The following FRA10AC1 variants were observed in gnomAD, a reference collection of about 807,000 sequenced individuals.
FRA10AC1 encodes the protein FRA10A associated CGG repeat 1, also known as protein FRA10AC1.
FRA10AC1 carries 43 observed loss-of-function variants against 56.5 expected under a neutral mutation model. That is an observed-to-expected ratio of 0.76 (90% CI 0.60 to 0.98). The LOEUF (loss-of-function observed/expected upper bound fraction) is 0.98. FRA10AC1 is among the 50% of genes least tolerant of loss of function. The pLI is 0.00. For missense variants in FRA10AC1, 346 were observed against 351.8 expected (o/e 0.98, Z 0.13); for synonymous variants, 112 against 110.5 (o/e 1.01, Z -0.09).
chr10:93,701,585 A>G (rs1458146010), intron 1 of FRA10AC1, among the ~76,000 whole-genome samples: 5 of 152,158 alleles, frequency 3.3e-5, no homozygotes, highest in Admixed American at 2.6e-4. Flanking sequence ...AAAATCCTAG[A>G]TAGGAAGATG....
intron 12 of FRA10AC1, chr10:93,672,758 T>C (rs1313659740): frequency 1.3e-5 from 2 of 152,294 alleles, no homozygotes; most frequent in Middle Eastern, 3.2e-3. Context: ...CCCTAGAGAA[T>C]CAAGTCTACA....
chr10:93,682,759 C>G (rs955098022), intron 10 of FRA10AC1, among the ~76,000 whole-genome samples: 2 of 152,144 alleles, frequency 1.3e-5, no homozygotes, highest in African/African-American at 2.4e-5. Context: ...GAGCCATGAT[C>G]ACACCACTGT....
chr10:93,698,200 T>C lies in FRA10AC1; in HGVS notation c.174-19A>G, dbSNP rs746670872. 5.8e-6 allele frequency: 9 copies of C among 1,559,506 alleles called. No homozygotes were observed. In the East Asian group the frequency reaches 2.0e-4, roughly 35 times the overall value. ...TTCTTCCCTGTTAAAACAAATTTTT[T>C]TAAGAAAATTCAAAATGTTTATATT... On this transcript the variant is annotated intron_variant, in intron 3 of 13. Transcript: ENST00000359204.
At chr10:93,683,961 T>C (rs1415654743) in intron 10 of FRA10AC1, 95 bp downstream of exon 10, 2 of 827,828 alleles carry the variant, frequency 2.4e-6, no homozygotes, top group Non-Finnish European at 4.0e-6. Flanking sequence ...AATTCAACCA[T>C]CAACCACCTA....
intron 11 of FRA10AC1, among the ~76,000 whole-genome samples, chr10:93,680,990 TAA>T (rs542996202): frequency 6.6e-6 from 1 of 152,086 alleles, no homozygotes. Context: ...CATAAACTAG[TAA>T]AAAAAGTCAC....
In FRA10AC1 at chr10:93,689,311, AT is replaced by A. The variant is rs1312377393; in HGVS notation, c.466-1863del. 5.3e-5 allele frequency among the ~76,000 whole-genome samples: 8 copies of A among 152,146 alleles called. No homozygotes were observed. In the East Asian group the frequency reaches 1.5e-3, roughly 29 times the overall value. On this transcript the variant is annotated intron_variant, in intron 7 of 13. Coordinates refer to ENST00000359204, the MANE Select transcript of FRA10AC1 (RefSeq NM_145246.5). ...ATTAATCTATTACTTGAATTTGGCA[AT>A]TTTGTATTTTAAATGCAAATAAAGG...
chr10:93,676,592 G>T, intron 12 of FRA10AC1, 61 bp downstream of exon 12: 2 of 1,493,150 alleles, frequency 1.3e-6, no homozygotes, highest in South Asian at 1.3e-5. Context: ...CGATTCATGG[G>T]AAATCTAAAT....
At chr10:93,677,512 T>C (rs2058862684) in intron 11 of FRA10AC1, among the ~76,000 whole-genome samples, 1 of 152,124 alleles carries the variant, frequency 6.6e-6, no homozygotes, top group African/African-American at 2.4e-5. Context: ...CAAAGGTCCA[T>C]AGGTAAAAAA....
intron 12 of FRA10AC1, chr10:93,673,357 C>T (rs1309028718): frequency 2.8e-5 from 13 of 456,498 alleles, no homozygotes; most frequent in Non-Finnish European, 4.4e-5. Flanking sequence ...TAAACATCTG[C>T]AGTTCCTCCA....
rs150964410 is a variant in FRA10AC1 at position 93,676,841 on chromosome 10, T to C, written c.788-150A>G. 6,672 of 1,268,034 alleles carry C rather than the reference T, an allele frequency of 5.3e-3. 45 individuals are homozygous for C. The highest frequency in any genetic ancestry group is 0.039 in the Middle Eastern group (140 of 3,582). 78.5% of individuals were successfully genotyped at this position (1,268,034 alleles called of 1,614,324 possible). A position where few individuals can be genotyped will look rare whatever the true frequency, so the allele number is the denominator to read the frequency against. ...TTTTCTAATCTTTCATGTTCCTTAGTCTTATCTCCCTCATTAAAATGTTAC... is the reference window on the plus strand; with the variant it reads ...TTTTCTAATCTTTCATGTTCCTTAGCCTTATCTCCCTCATTAAAATGTTAC... On this transcript the variant is annotated intron_variant, in intron 11 of 13. Coordinates refer to ENST00000359204, the MANE Select transcript of FRA10AC1 (RefSeq NM_145246.5).
intron 12 of FRA10AC1, among the ~76,000 whole-genome samples, chr10:93,676,248 T>C (rs1391831753): frequency 6.6e-6 from 1 of 152,182 alleles, no homozygotes; most frequent in African/African-American, 2.4e-5. Flanking sequence ...TTTTGGAATA[T>C]TGCAGGGAAA....
Position 93,670,833 on chromosome 10 carries a change from T to C in FRA10AC1, c.842A>G (p.Glu281Gly), listed in dbSNP as rs1404235439. 1 of 1,610,828 alleles carries C rather than the reference T, an allele frequency of 6.2e-7. No individual in the cohort carries two copies. Among genetic ancestry groups the C allele is most frequent in the Non-Finnish European group, 8.5e-7 (1 of 1,177,496 alleles). The stretch of plus-strand genomic sequence containing the variant: ...AAGTTCAGATTCTGAAGCACTTTCT[T>C]CCTCATCAGAGTTTCCTGTTCATTT... ...EDSLLRNSDE[E>G]ESASESELWK... The change falls in exon 13 of 14, where the codon GAA (glutamate) becomes GGA (glycine). Residue 281 changes from glutamate (E) to glycine (G), a missense_variant. Physicochemically the swap from Glu to Gly is moderately conservative, Grantham distance 98 (BLOSUM62 -2). Transcript: ENST00000359204.
At chr10:93,695,125 T>C (rs554928157) in intron 4 of FRA10AC1, among the ~76,000 whole-genome samples, 188 bp from the exon 5 acceptor site, 65 of 152,236 alleles carry the variant, frequency 4.3e-4, no homozygotes, top group African/African-American at 1.5e-3. Context: ...AAAGTGAAGA[T>C]TGTAAAGTAC....
intron 10 of FRA10AC1, 117 bp downstream of exon 10, chr10:93,683,938 TA>T (rs757381741): frequency 2.8e-6 from 2 of 704,982 alleles, no homozygotes; most frequent in Non-Finnish European, 4.9e-6. Flanking sequence ...CCACATTTTC[TA>T]CATGATCAAC....
chr10:93,685,245 C>T lies in FRA10AC1; in HGVS notation c.625+1G>A, dbSNP rs1564816359. 2 of 1,378,888 alleles carry T rather than the reference C, an allele frequency of 1.5e-6. No individual in the cohort carries two copies. Among genetic ancestry groups the T allele is most frequent in the Admixed American group, 1.7e-5 (1 of 57,300 alleles). 85.4% of individuals were successfully genotyped at this position (1,378,888 alleles called of 1,614,324 possible). A position where few individuals can be genotyped will look rare whatever the true frequency, so the allele number is the denominator to read the frequency against. Reference sequence around the variant, plus strand: ...TCATATACCCCCTAAAATCAACTTACTTAATTTAACAAGTGCATTTCTCTT... The same window carrying T: ...TCATATACCCCCTAAAATCAACTTATTTAATTTAACAAGTGCATTTCTCTT... On this transcript the variant is annotated splice_donor_variant, in intron 9 of 13. Coordinates refer to ENST00000359204, the MANE Select transcript of FRA10AC1 (RefSeq NM_145246.5). LOFTEE classifies it high-confidence loss of function.
intron 10 of FRA10AC1, among the ~76,000 whole-genome samples, chr10:93,683,229 T>C (rs557195020): frequency 6.6e-6 from 1 of 152,306 alleles, no homozygotes; most frequent in African/African-American, 2.4e-5. Flanking sequence ...AGAAGCCTAG[T>C]AAGCGGAGAA....
chr10:93,702,582 G>C lies in FRA10AC1; in HGVS notation c.-208C>G, dbSNP rs999896623. ...GCCTCTCCCTACGGGTCCCGACTGG[G>C]CACCACTTCCGGTCCGACACGGCCA... On this transcript the variant is annotated 5_prime_UTR_variant, in exon 1 of 14. Coordinates refer to ENST00000359204, the MANE Select transcript of FRA10AC1 (RefSeq NM_145246.5). 4.5e-6 allele frequency: 1 copy of C among 224,670 alleles called. No individual in the cohort carries two copies. The highest frequency in any genetic ancestry group is 8.7e-6 in the Non-Finnish European group (1 of 114,520). 13.9% of individuals were successfully genotyped at this position (224,670 alleles called of 1,614,324 possible). A position where few individuals can be genotyped will look rare whatever the true frequency, so the allele number is the denominator to read the frequency against.
Position 93,698,409 on chromosome 10 carries a change from G to A in FRA10AC1, c.78-13C>T, listed in dbSNP as rs148662117. 5.2e-3 allele frequency: 7,507 copies of A among 1,454,698 alleles called. 34 individuals carry two copies. The highest frequency in any genetic ancestry group is 6.5e-3 in the Non-Finnish European group (6,762 of 1,048,222). 90.1% of individuals were successfully genotyped at this position (1,454,698 alleles called of 1,614,324 possible). A position where few individuals can be genotyped will look rare whatever the true frequency, so the allele number is the denominator to read the frequency against. Reference sequence around the variant, plus strand: ...ATCTTCAACTGTCCTGATATATTAAGAAGAAAATAAGAGTTCACTTTTTTC... The same window carrying A: ...ATCTTCAACTGTCCTGATATATTAAAAAGAAAATAAGAGTTCACTTTTTTC... On this transcript the variant is annotated splice_polypyrimidine_tract_variant and intron_variant, in intron 2 of 13. Coordinates refer to ENST00000359204, the MANE Select transcript of FRA10AC1 (RefSeq NM_145246.5).
intron 12 of FRA10AC1, chr10:93,671,747 C>A: frequency 3.7e-6 from 1 of 272,594 alleles, no homozygotes; most frequent in East Asian, 1.1e-4. Flanking sequence ...AAAACATATG[C>A]ACATTATATA....
Sources: gnomAD v4.1 joint callset for allele counts (sites outside exome capture counted in the v4.1 genomes callset) on GRCh38, gnomAD v4.1.1 for gene constraint, MANE v1.5 for transcripts, NCBI Gene and HGNC (gene_info 2026-07-23, HGNC 2026-07-21) for gene names.